INPP4B: variants seen among roughly 807,000 people sequenced by gnomAD.
INPP4B encodes inositol polyphosphate 4-phosphatase type II.
A neutral mutation model predicts 122.5 loss-of-function variants in INPP4B; 55 were observed. That is an observed-to-expected ratio of 0.45 (90% confidence interval 0.36 to 0.56). The LOEUF is 0.56. Ranked by LOEUF, INPP4B falls within the 20% of genes least tolerant of loss-of-function variation. The probability of loss-of-function intolerance (pLI) is 0.00; values close to 1 mark genes in which losing one functional copy is unlikely to be tolerated. For missense variants in INPP4B, 1,000 were observed against 1,097.7 expected, an observed-to-expected ratio of 0.91 and a Z score of 1.26; for synonymous variants, 403 against 388.7, an observed-to-expected ratio of 1.04 and a Z score of -0.43.
At chr4:142,543,531 A>G (rs1474226436) in intron 2 of INPP4B, among the ~76,000 whole-genome samples, 1 of 152,188 alleles carries the variant, frequency 6.6e-6, no homozygotes, top group Non-Finnish European at 1.5e-5. Flanking sequence ...CTAAAAGGTC[A>G]TTTTACTTCA....
intron 1 of INPP4B, among the ~76,000 whole-genome samples, chr4:142,838,660 A>G (rs1207316571): frequency 1.3e-5 from 2 of 152,146 alleles, no homozygotes; most frequent in Non-Finnish European, 2.9e-5. Context: ...CATGGCATAA[A>G]CCCTTTAGGT....
chr4:142,397,386 A>AT (rs761818785), intron 7 of INPP4B, among the ~76,000 whole-genome samples: 8 of 151,990 alleles, frequency 5.3e-5, no homozygotes, highest in South Asian at 2.1e-4. Flanking sequence ...AATAACAGCT[A>AT]TTTTTTTTCC....
At chr4:142,659,753 A>C (rs1323255675) in intron 2 of INPP4B, among the ~76,000 whole-genome samples, 1 of 152,166 alleles carries the variant, frequency 6.6e-6, no homozygotes, top group African/African-American at 2.4e-5. Context: ...AAATCTTAGC[A>C]AGCATAACTA....
intron 2 of INPP4B, among the ~76,000 whole-genome samples, chr4:142,661,789 C>T (rs1287290150): frequency 6.6e-6 from 1 of 152,162 alleles, no homozygotes; most frequent in Non-Finnish European, 1.5e-5. Context: ...ACAGATACTG[C>T]AAGTCTTTCC....
At chr4:142,623,392 A>G (rs1190957843) in intron 2 of INPP4B, among the ~76,000 whole-genome samples, 1 of 151,826 alleles carries the variant, frequency 6.6e-6, no homozygotes, top group Non-Finnish European at 1.5e-5. Context: ...ACATGACTGG[A>G]GTTGACACAC....
chr4:142,677,627 T>G (rs1232392084), intron 2 of INPP4B, among the ~76,000 whole-genome samples: 1 of 151,898 alleles, frequency 6.6e-6, no homozygotes, highest in Non-Finnish European at 1.5e-5. Flanking sequence ...ATAAAGAAAA[T>G]GTGGCACATA....
At chr4:142,464,977 T>C (rs1817487713) in intron 2 of INPP4B, among the ~76,000 whole-genome samples, 1 of 152,190 alleles carries the variant, frequency 6.6e-6, no homozygotes, top group Admixed American at 6.5e-5. Context: ...TAGTTGACAT[T>C]ACTTCTGCAA....
intron 2 of INPP4B, among the ~76,000 whole-genome samples, chr4:142,691,116 G>A (rs761078926): frequency 2.0e-4 from 31 of 152,018 alleles, no homozygotes; most frequent in Non-Finnish European, 4.3e-4. Flanking sequence ...AGCTCTAAGC[G>A]CATCTCAGCC....
intron 2 of INPP4B, among the ~76,000 whole-genome samples, chr4:142,620,596 C>T (rs1238303677): frequency 4.6e-5 from 7 of 151,848 alleles, no homozygotes; most frequent in African/African-American, 1.7e-4. Context: ...GTACAACAAA[C>T]CCGCATGACA....
At chr4:142,050,419 A>C (rs1392943284) in intron 25 of INPP4B, among the ~76,000 whole-genome samples, 1 of 152,092 alleles carries the variant, frequency 6.6e-6, no homozygotes, top group East Asian at 1.9e-4. Context: ...TGAAAAGAAT[A>C]ATTAAAAACA....
rs146295697 is a variant in INPP4B, at chr4:142,246,849, G to A, written c.689-8838C>T. Among the ~76,000 whole-genome samples, 155 of 152,308 alleles carry A rather than the reference G, an allele frequency of 1.0e-3. 1 individual carries two copies. The highest frequency in any genetic ancestry group is 3.6e-3 in the African/African-American group (148 of 41,572). ...CATTACTATGTTGAATAGGAGGGGT[G>A]AGAGAGGGCATCCTTGACTTGTGCC... On this transcript the variant is annotated intron_variant, in intron 11 of 25. Transcript: ENST00000262992.
intron 2 of INPP4B, among the ~76,000 whole-genome samples, chr4:142,558,611 C>A (rs1729726372): frequency 6.6e-6 from 1 of 151,274 alleles, no homozygotes; most frequent in South Asian, 2.1e-4. Context: ...TGGGTTAACA[C>A]AAGATACATT....
chr4:142,736,866 T>C (rs893046704), intron 1 of INPP4B, among the ~76,000 whole-genome samples: 1 of 152,186 alleles, frequency 6.6e-6, no homozygotes, highest in African/African-American at 2.4e-5. Flanking sequence ...AGGGCACCCC[T>C]GTCTTGTGCC....
At chr4:142,844,464 A>C (rs1783937579) in intron 1 of INPP4B, among the ~76,000 whole-genome samples, 1 of 152,236 alleles carries the variant, frequency 6.6e-6, no homozygotes, top group Non-Finnish European at 1.5e-5. Context: ...CTGAAAAAGC[A>C]ATCCATTTTG....
At chr4:142,742,987 AATTCAAGTGT>A (rs1768124613) in intron 1 of INPP4B, among the ~76,000 whole-genome samples, 1 of 151,984 alleles carries the variant, frequency 6.6e-6, no homozygotes, top group African/African-American at 2.4e-5. Flanking sequence ...TGTAAAATAG[AATTCAAGTGT>A]ATTAACTTCA....
intron 25 of INPP4B, among the ~76,000 whole-genome samples, chr4:142,055,146 A>G (rs1756918320): frequency 1.3e-5 from 2 of 152,092 alleles, no homozygotes; most frequent in Non-Finnish European, 2.9e-5. Flanking sequence ...TTCCAAAGTA[A>G]TACTAACTAT....
At chr4:142,133,767 T>C (rs544253483) in intron 18 of INPP4B, among the ~76,000 whole-genome samples, 104 of 152,312 alleles carry the variant, frequency 6.8e-4, no homozygotes, top group African/African-American at 2.4e-3. Flanking sequence ...GCTTCAAGGC[T>C]GCTGTAATAG....
intron 2 of INPP4B, among the ~76,000 whole-genome samples, chr4:142,511,826 A>G (rs1013913768): frequency 7.2e-5 from 11 of 152,202 alleles, no homozygotes; most frequent in Admixed American, 3.3e-4. Flanking sequence ...TATTTTCATA[A>G]CTGATGGCTA....
At chr4:142,402,228 T>G (rs1258380467) in intron 7 of INPP4B, among the ~76,000 whole-genome samples, 1 of 152,192 alleles carries the variant, frequency 6.6e-6, no homozygotes, top group Non-Finnish European at 1.5e-5. Context: ...ACATACAAAT[T>G]CATGCTAATG....
Sources: allele counts gnomAD v4.1 joint callset (sites outside exome capture counted in the v4.1 genomes callset), GRCh38; gene constraint gnomAD v4.1.1; transcripts MANE v1.5; gene names NCBI Gene and HGNC (gene_info 2026-07-23, HGNC 2026-07-21).